ZNF521: variants seen among roughly 807,000 people sequenced by gnomAD.
ZNF521 encodes LYST-interacting protein 3.
A neutral mutation model predicts 105.5 loss-of-function variants in ZNF521; 14 were observed. That is an observed-to-expected ratio of 0.13 (90% CI 0.09 to 0.21). ZNF521 has a LOEUF of 0.21. Among genes scored for constraint, ZNF521 ranks in the 10% least tolerant of loss-of-function variants. The pLI, the probability that ZNF521 is intolerant of heterozygous loss-of-function variation, is 1.00. For missense variants in ZNF521, 1,233 were observed against 1,629.7 expected, an observed-to-expected ratio of 0.76 and a Z score of 4.19; for synonymous variants, 635 against 606.0, an observed-to-expected ratio of 1.05 and a Z score of -0.70.
intron 3 of ZNF521, among the ~76,000 whole-genome samples, chr18:25,242,480 T>C (rs549840439): frequency 1.2e-4 from 18 of 152,176 alleles, no homozygotes; most frequent in Non-Finnish European, 2.6e-4. Flanking sequence ...GCATATATAT[T>C]TGCTACATCC....
chr18:25,168,308 T>C (rs1030155931), intron 5 of ZNF521, among the ~76,000 whole-genome samples: 1 of 152,202 alleles, frequency 6.6e-6, no homozygotes, highest in African/African-American at 2.4e-5. Context: ...TTACTACACC[T>C]CAGTGCCTGC....
chr18:25,271,303 T>C (rs144678859), intron 3 of ZNF521, among the ~76,000 whole-genome samples: 190 of 152,272 alleles, frequency 1.2e-3, no homozygotes, highest in African/African-American at 4.4e-3. Flanking sequence ...TCCATGCTCA[T>C]GGTAGGAAGA....
intron 5 of ZNF521, among the ~76,000 whole-genome samples, chr18:25,094,902 G>A (rs1001914008): frequency 1.3e-5 from 2 of 151,794 alleles, no homozygotes; most frequent in African/African-American, 4.8e-5. Flanking sequence ...AATTCATTTT[G>A]TATTTTTTTT....
chr18:25,342,693 G>A (rs1308995794), intron 2 of ZNF521, among the ~76,000 whole-genome samples: 2 of 152,170 alleles, frequency 1.3e-5, no homozygotes, highest in African/African-American at 4.8e-5. Context: ...CTCCCAAAGT[G>A]CTGGGATTAC....
intron 5 of ZNF521, among the ~76,000 whole-genome samples, chr18:25,164,204 CTG>C (rs2035298289): frequency 6.6e-6 from 1 of 152,158 alleles, no homozygotes; most frequent in African/African-American, 2.4e-5. Flanking sequence ...TGCTGGTTAA[CTG>C]TGTAAATACT....
rs551443071 is a variant in ZNF521, at chr18:25,230,317, TA to T, written c.221-2621del. The stretch of plus-strand genomic sequence containing the variant: ...GATTTCTGTTTTAAAATATAAAATG[TA>T]AAAACTCTCATTTGCCAGTACTGTA... On this transcript the variant is annotated intron_variant, in intron 3 of 7. Transcript: ENST00000361524. Among the ~76,000 whole-genome samples, 26 of 152,304 alleles carry T rather than the reference TA, an allele frequency of 1.7e-4. No homozygotes were observed. In the East Asian group the frequency reaches 5.0e-3, roughly 29 times the overall value.
At chr18:25,249,108 G>T (rs1248342559) in intron 3 of ZNF521, among the ~76,000 whole-genome samples, 1 of 150,958 alleles carries the variant, frequency 6.6e-6, no homozygotes, top group African/African-American at 2.4e-5. Context: ...CTCTCACATA[G>T]CAAGAATAAA....
At chr18:25,068,828 A>T (rs2033142129) in intron 7 of ZNF521, among the ~76,000 whole-genome samples, 1 of 152,220 alleles carries the variant, frequency 6.6e-6, no homozygotes, top group Non-Finnish European at 1.5e-5. Context: ...CATATACTGT[A>T]CGTGACTTAA....
At chr18:25,156,343 G>A (rs1272678444) in intron 5 of ZNF521, among the ~76,000 whole-genome samples, 2 of 152,200 alleles carry the variant, frequency 1.3e-5, no homozygotes, top group Non-Finnish European at 2.9e-5. Flanking sequence ...ACTTCCCACA[G>A]TGCCTTTCCT....
chr18:25,250,156 G>T (rs530100864), intron 3 of ZNF521, among the ~76,000 whole-genome samples: 225 of 152,200 alleles, frequency 1.5e-3, no homozygotes, highest in African/African-American at 5.2e-3. Context: ...AGCCAGGATG[G>T]TCTCGATCTC....
chr18:25,342,791 A>G (rs1312165204), intron 2 of ZNF521, among the ~76,000 whole-genome samples: 1 of 152,222 alleles, frequency 6.6e-6, no homozygotes, highest in African/African-American at 2.4e-5. Flanking sequence ...TGGTAATAAA[A>G]AGCATATGTC....
intron 3 of ZNF521, among the ~76,000 whole-genome samples, chr18:25,288,204 C>A (rs1197162162): frequency 6.6e-6 from 1 of 152,148 alleles, no homozygotes; most frequent in Non-Finnish European, 1.5e-5. Context: ...GATTTTTCCC[C>A]CAACTGTTCA....
chr18:25,121,513 A>G (rs2034443716), intron 5 of ZNF521, among the ~76,000 whole-genome samples: 3 of 152,046 alleles, frequency 2.0e-5, no homozygotes. Context: ...GGCCTCTCAA[A>G]GTGCTGGGAT....
intron 3 of ZNF521, 84 bp downstream of exon 3, chr18:25,321,924 A>G (rs1278903730): frequency 5.4e-6 from 7 of 1,305,028 alleles, no homozygotes; most frequent in Admixed American, 2.2e-5. Flanking sequence ...AATAATTTGA[A>G]GAGAAAAACA....
intron 2 of ZNF521, among the ~76,000 whole-genome samples, chr18:25,348,064 A>C (rs1448719422): frequency 6.6e-6 from 1 of 152,242 alleles, no homozygotes; most frequent in Non-Finnish European, 1.5e-5. Flanking sequence ...CAGACTTTTT[A>C]TCTTTTAATT....
chr18:25,173,522 C>T lies in ZNF521; in HGVS notation c.3658+21638G>A, dbSNP rs556576273. On this transcript the variant is annotated intron_variant, in intron 5 of 7. Transcript: ENST00000361524. ...TAAGGCAACCACCCCACGTGCACTT[C>T]TCATTTTGGGGTGGAAGAGCTGTAA... is the stretch of plus-strand genomic sequence containing the variant. Among the ~76,000 whole-genome samples the T allele has an allele frequency of 2.0e-5, 3 of 152,260 alleles. No individual in the cohort carries two copies. In the South Asian group the frequency reaches 6.2e-4, roughly 32 times the overall value.
intron 3 of ZNF521, among the ~76,000 whole-genome samples, chr18:25,236,142 C>T (rs1462909706): frequency 1.3e-5 from 2 of 152,168 alleles, no homozygotes; most frequent in African/African-American, 4.8e-5. Flanking sequence ...TACACCCAGC[C>T]AACCACCCAG....
intron 4 of ZNF521, among the ~76,000 whole-genome samples, chr18:25,213,231 CTA>C (rs2036224677): frequency 6.8e-6 from 1 of 147,890 alleles, no homozygotes; most frequent in Non-Finnish European, 1.5e-5. Context: ...AAATATATAA[CTA>C]TATAATAAAA....
chr18:25,132,770 C>CT (rs1227904015), intron 5 of ZNF521, among the ~76,000 whole-genome samples: 2 of 152,186 alleles, frequency 1.3e-5, no homozygotes, highest in East Asian at 3.9e-4. Flanking sequence ...TTGGGCCGTT[C>CT]TCCTGTTAGC....
Sources: allele counts gnomAD v4.1 joint callset (sites outside exome capture counted in the v4.1 genomes callset), GRCh38; gene constraint gnomAD v4.1.1; transcripts MANE v1.5; gene names NCBI Gene and HGNC (gene_info 2026-07-23, HGNC 2026-07-21).